The following RNF10 variants were observed in gnomAD, a reference collection of about 807,000 sequenced individuals.
The protein encoded by RNF10 is E3 ubiquitin-protein ligase RNF10.
In RNF10, 38 loss-of-function variants were observed where a neutral mutation model predicts 91.4. That is an observed-to-expected ratio of 0.42 (90% CI 0.32 to 0.54). The LOEUF (loss-of-function observed/expected upper bound fraction) is 0.54. RNF10 is among the 20% of genes least tolerant of loss of function. The pLI is 0.16. For synonymous variants in RNF10, 364 were observed against 366.3 expected, an observed-to-expected ratio of 0.99 and a Z score of 0.07; for missense variants, 945 against 1,012.0, an observed-to-expected ratio of 0.93 and a Z score of 0.90.
intron 1 of RNF10, among the ~76,000 whole-genome samples, chr12:120,541,934 T>G (rs1871632044): frequency 6.6e-6 from 1 of 151,060 alleles, no homozygotes; most frequent in Non-Finnish European, 1.5e-5. Flanking sequence ...TGGTGCAATC[T>G]TGGCTCACTG....
In RNF10 at chr12:120,571,264, A is replaced by AAG. The variant is rs769045999; in HGVS notation, c.2115_2116insAG (p.Asp706ArgfsTer12). The AAG allele has an allele frequency of 6.2e-7, 1 of 1,613,922 alleles. No individual in the cohort carries two copies. ...CATTCTGCGTTGGGAGTCTGGAAGA[A>AAG]GACTCTCCCTTCCCTTCCTTTGCCC... On this transcript the variant is annotated frameshift_variant, in exon 14 of 17. Transcript: ENST00000325954. LOFTEE classifies it high-confidence loss of function.
At chr12:120,554,421 C>T (rs1873656234) in intron 3 of RNF10, 2 of 309,918 alleles carry the variant, frequency 6.5e-6, no homozygotes, top group Non-Finnish European at 1.2e-5. Flanking sequence ...TGGCTTACTG[C>T]TGTTTGATGG....
intron 7 of RNF10, among the ~76,000 whole-genome samples, chr12:120,562,193 T>A (rs1348928445): frequency 2.4e-4 from 37 of 151,908 alleles, no homozygotes; most frequent in Non-Finnish European, 4.4e-5. Flanking sequence ...CCCCTCTATG[T>A]GTCCATGTTT....
At chr12:120,538,805 G>A (rs144325199) in intron 1 of RNF10, among the ~76,000 whole-genome samples, 1 of 152,140 alleles carries the variant, frequency 6.6e-6, no homozygotes, top group African/African-American at 2.4e-5. Context: ...GAGGTTGGTG[G>A]TATGAAGCAC....
chr12:120,548,614 A>G (rs982771640), intron 2 of RNF10, among the ~76,000 whole-genome samples: 3 of 151,296 alleles, frequency 2.0e-5, no homozygotes, highest in Non-Finnish European at 4.4e-5. Context: ...CAGAGATGTG[A>G]GGCGGTGCTT....
chr12:120,559,809 C>G (rs2137214385), intron 6 of RNF10, among the ~76,000 whole-genome samples: 1 of 152,012 alleles, frequency 6.6e-6, no homozygotes, highest in East Asian at 1.9e-4. Context: ...GATTTTCTTA[C>G]TCCAGCCTCC....
intron 7 of RNF10, among the ~76,000 whole-genome samples, chr12:120,562,503 A>T (rs371535595): frequency 6.6e-6 from 1 of 151,026 alleles, no homozygotes; most frequent in South Asian, 2.1e-4. Context: ...TGAACTTCCA[A>T]CCTCAGGTGA....
chr12:120,557,751 G>A lies in RNF10; in HGVS notation c.967+69G>A. On this transcript the variant is annotated intron_variant, in intron 6 of 16. Transcript: ENST00000325954. ...CTTTAAGGTGATTGAATATATCTAA[G>A]CATCAGAAAGTGAAGCCTTTGGGCA... is the stretch of plus-strand genomic sequence containing the variant. The A allele has an allele frequency of 5.2e-6, 8 of 1,551,504 alleles. 1 individual carries two copies. In the South Asian group the frequency reaches 6.8e-5, roughly 13 times the overall value.
chr12:120,562,837 C>A, intron 7 of RNF10, 108 bp from the exon 8 acceptor site: 1 of 1,372,784 alleles, frequency 7.3e-7, no homozygotes. Flanking sequence ...GGTCTCATTG[C>A]CTTTTAACTT....
At chr12:120,553,336 C>T (rs189140269) in intron 3 of RNF10, among the ~76,000 whole-genome samples, 5 of 151,304 alleles carry the variant, frequency 3.3e-5, no homozygotes, top group African/African-American at 1.2e-4. Context: ...GATCCACCTG[C>T]CTCGGCCTCC....
intron 14 of RNF10, among the ~76,000 whole-genome samples, chr12:120,573,600 A>G (rs1352336406): frequency 2.0e-5 from 3 of 151,444 alleles, no homozygotes; most frequent in Non-Finnish European, 4.4e-5. Context: ...AAAAAAAAAA[A>G]GTTTATTTGG....
At chr12:120,563,315 C>G (rs1191736950) in intron 8 of RNF10, 32 bp from the exon 9 acceptor site, 1 of 1,584,272 alleles carries the variant, frequency 6.3e-7, no homozygotes, top group Admixed American at 1.7e-5. Context: ...CAGGAGATAT[C>G]CTTTCTGTTG....
chr12:120,560,634 A>T, intron 6 of RNF10, 92 bp from the exon 7 acceptor site: 1 of 1,265,178 alleles, frequency 7.9e-7, no homozygotes, highest in African/African-American at 1.5e-5. Context: ...TTTTCACCCC[A>T]GAGAAAAGGC....
rs1274020671 is a variant in RNF10 at position 120,576,100 on chromosome 12, AT to A, written c.2359+153del. ...TCTAGTGTCATTTAAATAATACTCC[AT>A]TTGGTATGTCAGATAGGACCTATTT... On this transcript the variant is annotated intron_variant, in intron 16 of 16. Transcript: ENST00000325954. 9.8e-6 allele frequency: 8 copies of A among 814,272 alleles called. No homozygotes were observed. In the East Asian group the frequency reaches 2.0e-4, roughly 21 times the overall value. The allele number at this position is 814,272 out of a possible 1,614,324, so 50.4% of individuals were successfully genotyped here.
rs1006361596 is a variant in RNF10 at position 120,577,123 on chromosome 12, T to C, written c.*457T>C. 2.2e-6 allele frequency: 1 copy of C among 445,564 alleles called. No homozygotes were observed. Among genetic ancestry groups the C allele is most frequent in the African/African-American group, 2.0e-5 (1 of 49,044 alleles). 27.6% of individuals were successfully genotyped at this position (445,564 alleles called of 1,614,324 possible). On this transcript the variant is annotated 3_prime_UTR_variant, in exon 17 of 17. Coordinates refer to ENST00000325954, the MANE Select transcript of RNF10 (RefSeq NM_014868.5). Reference sequence around the variant, plus strand: ...TGAATCTTTACTACCTATTTAGTTCTCCTTGTTAAAGAAACAGGGGTGGGA... The same window carrying C: ...TGAATCTTTACTACCTATTTAGTTCCCCTTGTTAAAGAAACAGGGGTGGGA...
intron 3 of RNF10, among the ~76,000 whole-genome samples, chr12:120,553,719 T>G (rs2137183345): frequency 6.6e-6 from 1 of 152,050 alleles, no homozygotes; most frequent in East Asian, 2.0e-4. Flanking sequence ...AGAAAATTTC[T>G]TAAGAGACAA....
intron 14 of RNF10, chr12:120,574,344 T>G (rs1752593307): frequency 4.7e-6 from 2 of 421,970 alleles, no homozygotes; most frequent in Non-Finnish European, 9.5e-6. Flanking sequence ...TCTCTGCCTT[T>G]TAAGTGGCAT....
rs1875218593 is a variant in RNF10, at chr12:120,563,481, G to C, written c.1389G>C (p.Leu463Phe). Residue 463 changes from leucine (L) to phenylalanine (F), a missense_variant, in exon 9 of 17, where the codon TTG becomes TTC. Leu to Phe is a conservative substitution (Grantham distance 22, BLOSUM62 0). Transcript: ENST00000325954. ...EAVSEPEPEG[L>F]PEACDDLELA... ...TGTCTGAACCAGAGCCTGAGGGGTT[G>C]CCAGAGGCCTGTGATGACTTGGAGT... The C allele has an allele frequency of 1.2e-6, 2 of 1,614,192 alleles. No individual in the cohort carries two copies. The highest frequency in any genetic ancestry group is 2.7e-5 in the African/African-American group (2 of 75,040).
At chr12:120,536,676 C>G (rs555090646) in intron 1 of RNF10, among the ~76,000 whole-genome samples, 1 of 152,256 alleles carries the variant, frequency 6.6e-6, no homozygotes, top group South Asian at 2.1e-4. Context: ...TCCTTTTGGT[C>G]AGTGTTGGAA....
Sources: allele counts gnomAD v4.1 joint callset (sites outside exome capture counted in the v4.1 genomes callset), GRCh38; gene constraint gnomAD v4.1.1; transcripts MANE v1.5; gene names NCBI Gene and HGNC (gene_info 2026-07-23, HGNC 2026-07-21).